Variants in SMARCAL1 observed in about 807,000 individuals in gnomAD.
The protein encoded by SMARCAL1 is ATP-driven annealing helicase.
A neutral mutation model predicts 94.5 loss-of-function variants in SMARCAL1; 58 were observed. The ratio of observed to expected loss-of-function variants is 0.61; its 90% confidence interval spans 0.50 to 0.76. SMARCAL1 has a LOEUF of 0.76. Among genes scored for constraint, SMARCAL1 ranks in the 30% least tolerant of loss-of-function variants. The probability of loss-of-function intolerance (pLI) is 0.00; values close to 1 mark genes in which losing one functional copy is unlikely to be tolerated. For synonymous variants in SMARCAL1, 422 were observed against 455.1 expected, an observed-to-expected ratio of 0.93 and a Z score of 0.93; for missense variants, 1,051 against 1,177.9, an observed-to-expected ratio of 0.89 and a Z score of 1.58.
intron 4 of SMARCAL1, among the ~76,000 whole-genome samples, chr2:216,419,183 A>C (rs929141895): frequency 3.9e-5 from 6 of 152,242 alleles, no homozygotes; most frequent in African/African-American, 7.2e-5. Flanking sequence ...ATTGTTTTCC[A>C]GCAGGTTTTA....
rs112197074 is a variant in SMARCAL1, at chr2:216,475,211, T to C, written c.2245-58T>C. On this transcript the variant is annotated intron_variant, in intron 14 of 17. Transcript: ENST00000357276. The surrounding 1 kb of genome is among the most constrained non-coding windows in gnomAD (Gnocchi z 4.4). ...GTGCTGGAGCTGTGGCTGGGTGTGG[T>C]TTGCTGAGAAGCCCCCGGGGCTGTT... 1.1e-5 allele frequency: 17 copies of C among 1,589,162 alleles called. No homozygotes were observed. In the East Asian group the frequency reaches 3.1e-4, roughly 29 times the overall value.
intron 9 of SMARCAL1, among the ~76,000 whole-genome samples, chr2:216,437,064 C>A (rs1425048064): frequency 1.3e-5 from 2 of 152,216 alleles, no homozygotes; most frequent in African/African-American, 2.4e-5. Context: ...TGTCCTCTTT[C>A]TTTCAGAGAA....
rs35081222 is a variant in SMARCAL1 at position 216,472,662 on chromosome 2, G to GA, written c.2245-2596dup. Among the ~76,000 whole-genome samples the GA allele has an allele frequency of 7.3e-4, 106 of 145,824 alleles. 1 individual carries two copies. The highest frequency in any genetic ancestry group is 2.0e-3 in the East Asian group (10 of 5,062). On this transcript the variant is annotated intron_variant, in intron 14 of 17. Coordinates refer to ENST00000357276, the MANE Select transcript of SMARCAL1 (RefSeq NM_014140.4). ...AAAGGTATTTCCTAACTCCCAGTAGGAAAAAAAAAAAGGGGGCAACCTGTA... is the reference window on the plus strand; with the variant it reads ...AAAGGTATTTCCTAACTCCCAGTAGGAAAAAAAAAAAAGGGGGCAACCTGTA...
At chr2:216,460,811 T>A (rs1694681558) in intron 12 of SMARCAL1, among the ~76,000 whole-genome samples, 1 of 152,116 alleles carries the variant, frequency 6.6e-6, no homozygotes, top group South Asian at 2.1e-4. Flanking sequence ...GTTGTGCACA[T>A]GTACCCTAGA....
At chr2:216,420,054 A>G (rs1693682524) in intron 4 of SMARCAL1, among the ~76,000 whole-genome samples, 2 of 151,614 alleles carry the variant, frequency 1.3e-5, no homozygotes, top group South Asian at 4.2e-4. Flanking sequence ...AAAAGAAAAA[A>G]AAAAAAGAAA....
chr2:216,424,489 G>A (rs972180452), intron 6 of SMARCAL1, among the ~76,000 whole-genome samples: 5 of 152,172 alleles, frequency 3.3e-5, no homozygotes, highest in African/African-American at 9.7e-5. Context: ...GGAGTCATTT[G>A]TGGGTACCAA....
intron 14 of SMARCAL1, 122 bp downstream of exon 14, chr2:216,468,168 T>C (rs1041469897): frequency 5.0e-5 from 36 of 717,340 alleles, no homozygotes; most frequent in Non-Finnish European, 4.3e-5. Context: ...GCTGAAGACT[T>C]TCTGAAGAAG....
At chr2:216,448,322 G>T (rs746145381) in intron 11 of SMARCAL1, among the ~76,000 whole-genome samples, 8 of 152,050 alleles carry the variant, frequency 5.3e-5, no homozygotes, top group African/African-American at 1.9e-4. Context: ...TGTCCTATTC[G>T]CAAACAGTCC....
At chr2:216,433,013 C>A (rs1010769480) in intron 8 of SMARCAL1, 145 bp downstream of exon 8, 39 of 1,022,140 alleles carry the variant, frequency 3.8e-5, no homozygotes, top group Non-Finnish European at 5.7e-5. Flanking sequence ...GATGAGATGC[C>A]ACCTGAGGGC....
chr2:216,454,381 A>G (rs1694513094), intron 12 of SMARCAL1, among the ~76,000 whole-genome samples: 1 of 152,224 alleles, frequency 6.6e-6, no homozygotes, highest in Non-Finnish European at 1.5e-5. Flanking sequence ...CATTTATTGA[A>G]TACTTGCTCT....
chr2:216,415,280 C>T lies in SMARCAL1; in HGVS notation c.576C>T (p.Ala192=). The change falls in exon 3 of 18, where the codon GCC becomes GCT. Residue 192 remains alanine (A), a synonymous_variant. Coordinates refer to ENST00000357276, the MANE Select transcript of SMARCAL1 (RefSeq NM_014140.4). ...CTCCCAGGGATGCTAAGTTAGAGGCCAAGACAGCAAAAGCCTCCCCTTCGG... is the reference window on the plus strand; with the variant it reads ...CTCCCAGGGATGCTAAGTTAGAGGCTAAGACAGCAAAAGCCTCCCCTTCGG... ...GQPPRDAKLE[A]KTAKASPSGQ... 6.2e-7 allele frequency: 1 copy of T among 1,614,212 alleles called. No homozygotes were observed. Among genetic ancestry groups the T allele is most frequent in the Non-Finnish European group, 8.5e-7 (1 of 1,180,022 alleles).
In SMARCAL1 at chr2:216,482,468, G is replaced by T. The variant is rs538956641; in HGVS notation, c.2626-270G>T. Among the ~76,000 whole-genome samples the T allele has an allele frequency of 3.0e-4, 46 of 152,242 alleles. No homozygotes were observed. Among genetic ancestry groups the T allele is most frequent in the African/African-American group, 1.0e-3 (43 of 41,532 alleles). Reference sequence around the variant, plus strand: ...GAAAACATTTCCAATGTAAATTATAGCGTGAGAGCAGCTTCTTTGTTGCAC... The same window carrying T: ...GAAAACATTTCCAATGTAAATTATATCGTGAGAGCAGCTTCTTTGTTGCAC... On this transcript the variant is annotated intron_variant, in intron 17 of 17. Coordinates refer to ENST00000357276, the MANE Select transcript of SMARCAL1 (RefSeq NM_014140.4). The surrounding 1 kb of genome is among the most constrained non-coding windows in gnomAD (Gnocchi z 4.3).
chr2:216,459,503 C>G (rs1182507181), intron 12 of SMARCAL1, among the ~76,000 whole-genome samples: 1 of 152,160 alleles, frequency 6.6e-6, no homozygotes, highest in Non-Finnish European at 1.5e-5. Context: ...ACCAATGGAA[C>G]AGAACAGAGC....
chr2:216,457,143 C>G (rs1017552077), intron 12 of SMARCAL1, among the ~76,000 whole-genome samples: 3 of 152,144 alleles, frequency 2.0e-5, no homozygotes, highest in Non-Finnish European at 4.4e-5. Flanking sequence ...AGCTAACTAT[C>G]CTAAATATAT....
In SMARCAL1 at chr2:216,423,669, A is replaced by G. The variant is rs776770348; in HGVS notation, c.1133A>G (p.Glu378Gly). 1 of 1,613,832 alleles carries G rather than the reference A, an allele frequency of 6.2e-7. No homozygotes were observed. The highest frequency in any genetic ancestry group is 2.2e-5 in the East Asian group (1 of 44,890). ...AGGAAGTGGAGCTTTCTCTTGGAAG[A>G]GCACAGTAAACTAAGTGAGAAGCCT... Reference protein sequence around the residue: ...KTRKWSFLLEEHSKLIAKVRC... With the variant: ...KTRKWSFLLEGHSKLIAKVRC... Residue 378 changes from glutamate (E) to glycine (G), a missense_variant, in exon 6 of 18, where the codon GAG (glutamate) becomes GGG (glycine). By Grantham distance (98) the Glu-to-Gly change is moderately conservative. This residue lies in a region of SMARCAL1 where 642 missense variants were observed against 754.7 expected (regional missense o/e 0.85). Transcript: ENST00000357276.
chr2:216,479,975 C>T (rs1445050030), intron 17 of SMARCAL1, among the ~76,000 whole-genome samples: 1 of 152,124 alleles, frequency 6.6e-6, no homozygotes, highest in Non-Finnish European at 1.5e-5. Flanking sequence ...TTCCCTGAAC[C>T]TGGGAGGCAG....
chr2:216,421,348 A>C (rs1474017191), intron 5 of SMARCAL1, among the ~76,000 whole-genome samples: 3 of 152,048 alleles, frequency 2.0e-5, no homozygotes, highest in Non-Finnish European at 2.9e-5. Context: ...CCCAGGCTGG[A>C]GTGCAGTGGC....
At chr2:216,456,393 T>G (rs945681519) in intron 12 of SMARCAL1, among the ~76,000 whole-genome samples, 3 of 152,104 alleles carry the variant, frequency 2.0e-5, no homozygotes, top group African/African-American at 7.2e-5. Context: ...CACATAATTG[T>G]CAGATTCACC....
At chr2:216,454,106 T>C (rs1333517669) in intron 12 of SMARCAL1, among the ~76,000 whole-genome samples, 4 of 152,178 alleles carry the variant, frequency 2.6e-5, no homozygotes, top group Non-Finnish European at 5.9e-5. Context: ...CATTTGACAA[T>C]CCACTCAAAT....
Sources: allele counts gnomAD v4.1 joint callset (sites outside exome capture counted in the v4.1 genomes callset), GRCh38; gene constraint gnomAD v4.1.1; regional missense constraint gnomAD v4.1.1; non-coding constraint Gnocchi (gnomAD v3.1); transcripts MANE v1.5; gene names NCBI Gene and HGNC (gene_info 2026-07-23, HGNC 2026-07-21).